NPRL3: variants seen among roughly 807,000 people sequenced by gnomAD.
NPRL3 encodes GATOR1 complex protein NPRL3.
In NPRL3, 23 loss-of-function variants were observed where a neutral mutation model predicts 57.2. That is an observed-to-expected ratio of 0.40 (90% CI 0.29 to 0.57). The LOEUF (loss-of-function observed/expected upper bound fraction) is 0.57, where lower values mean the gene tolerates loss of function less well. Ranked by LOEUF, NPRL3 falls within the 20% of genes least tolerant of loss-of-function variation. NPRL3 has a pLI of 0.42. For missense variants in NPRL3, 691 were observed against 767.1 expected, an observed-to-expected ratio of 0.90 and a Z score of 1.17; for synonymous variants, 333 against 321.1, an observed-to-expected ratio of 1.04 and a Z score of -0.39.
At chr16:121,489 T>G (rs1385904991) in intron 3 of NPRL3, among the ~76,000 whole-genome samples, 3 of 151,972 alleles carry the variant, frequency 2.0e-5, no homozygotes, top group Non-Finnish European at 4.4e-5. Context: ...CCGGGCGCAG[T>G]GAAGCCTGTA....
At chr16:111,347 C>T (rs1899802602) in intron 6 of NPRL3, among the ~76,000 whole-genome samples, 1 of 151,952 alleles carries the variant, frequency 6.6e-6, no homozygotes, top group African/African-American at 2.4e-5. Flanking sequence ...TTGCAGTGAG[C>T]AGAGATCACA....
intron 7 of NPRL3, among the ~76,000 whole-genome samples, chr16:107,475 C>T (rs1899585266): frequency 6.6e-6 from 1 of 151,842 alleles, no homozygotes; most frequent in Non-Finnish European, 1.5e-5. Context: ...GAAACCCCAT[C>T]TCTACTAAAA....
chr16:127,443 C>G (rs1201991003), intron 3 of NPRL3, among the ~76,000 whole-genome samples: 1 of 151,926 alleles, frequency 6.6e-6, no homozygotes, highest in Non-Finnish European at 1.5e-5. Flanking sequence ...TCATGCTGTC[C>G]AGACTGTTCT....
chr16:89,576 G>A (rs933735020), intron 12 of NPRL3, 137 bp downstream of exon 12: 2 of 780,562 alleles, frequency 2.6e-6, no homozygotes, highest in African/African-American at 1.8e-5. Context: ...CTCCACGGGG[G>A]ACACGAGGCA....
chr16:100,970 CAAAAAAA>C (rs59640237), intron 7 of NPRL3, among the ~76,000 whole-genome samples: 4 of 36,118 alleles, frequency 1.1e-4, no homozygotes, highest in African/African-American at 4.0e-4. Context: ...GACTCTGTCT[CAAAAAAA>C]AAAAAAAAAA....
intron 7 of NPRL3, among the ~76,000 whole-genome samples, chr16:107,803 C>T (rs1899603352): frequency 6.6e-6 from 1 of 152,308 alleles, no homozygotes; most frequent in Admixed American, 6.5e-5. Flanking sequence ...GATGGGACTA[C>T]AGGAGCACAC....
At position 100,513 on chromosome 16, in the gene NPRL3, CAG is replaced by C. The variant is rs1337734210; in HGVS notation, c.630-6_630-5del. 4.5e-6 allele frequency: 7 copies of C among 1,562,008 alleles called. No individual in the cohort carries two copies. Among genetic ancestry groups the C allele is most frequent in the South Asian group, 2.4e-5 (2 of 82,164 alleles). ...AACTACGCCCGACGTGCACAGGCTG[CAG>C]AGAGTGGGCGCTGTTACCCGTTCAC... On this transcript the variant is annotated splice_polypyrimidine_tract_variant and splice_region_variant and intron_variant, in intron 7 of 13. Transcript: ENST00000611875.
intron 13 of NPRL3, among the ~76,000 whole-genome samples, chr16:88,002 A>G (rs1451472125): frequency 1.3e-5 from 2 of 152,002 alleles, no homozygotes; most frequent in African/African-American, 4.8e-5. Flanking sequence ...AAGAGTTGCA[A>G]GTGGTTCTCT....
At chr16:87,016 C>T in intron 13 of NPRL3, 146 bp from the exon 14 acceptor site, 1 of 818,966 alleles carries the variant, frequency 1.2e-6, no homozygotes, top group Admixed American at 2.8e-5. Context: ...CCACCACAGC[C>T]CCCCAACAAG....
At chr16:98,936 C>G (rs1899148879) in intron 8 of NPRL3, among the ~76,000 whole-genome samples, 1 of 151,986 alleles carries the variant, frequency 6.6e-6, no homozygotes, top group Non-Finnish European at 1.5e-5. Context: ...GACTCTGTCT[C>G]AAAAACAACA....
At chr16:118,679 T>C (rs564808428) in intron 4 of NPRL3, among the ~76,000 whole-genome samples, 19 of 152,336 alleles carry the variant, frequency 1.2e-4, no homozygotes, top group African/African-American at 4.6e-4. Flanking sequence ...TTTATGAAGA[T>C]GCACAGTTCA....
chr16:120,764 T>G (rs189506801), intron 3 of NPRL3, among the ~76,000 whole-genome samples: 110 of 152,290 alleles, frequency 7.2e-4, no homozygotes, highest in African/African-American at 2.5e-3. Context: ...AGGTCTCTCC[T>G]GCAGAGATGG....
intron 3 of NPRL3, among the ~76,000 whole-genome samples, chr16:122,127 T>C (rs1900309274): frequency 6.7e-6 from 1 of 148,646 alleles, no homozygotes; most frequent in African/African-American, 2.5e-5. Context: ...GATGGAGTCT[T>C]GCTCTGTCGC....
intron 6 of NPRL3, among the ~76,000 whole-genome samples, chr16:111,173 G>GCGGATCACA (rs1899793383): frequency 6.6e-6 from 1 of 152,006 alleles, no homozygotes; most frequent in Non-Finnish European, 1.5e-5. Context: ...GCCGAGGCAG[G>GCGGATCACA]CGGATCACAA....
chr16:100,970 CAA>C (rs59640237), intron 7 of NPRL3, among the ~76,000 whole-genome samples: 25 of 36,118 alleles, frequency 6.9e-4, no homozygotes, highest in South Asian at 1.7e-3. Context: ...GACTCTGTCT[CAA>C]AAAAAAAAAA....
intron 3 of NPRL3, chr16:123,639 C>G (rs1567144673): frequency 2.2e-6 from 1 of 453,632 alleles, no homozygotes; most frequent in South Asian, 1.6e-5. Context: ...AAAAACTGCA[C>G]AAAAGTCTAG....
chr16:112,384 T>C (rs1899854996), intron 6 of NPRL3, among the ~76,000 whole-genome samples: 1 of 152,156 alleles, frequency 6.6e-6, no homozygotes, highest in Non-Finnish European at 1.5e-5. Flanking sequence ...ATCTGCAAAA[T>C]GGGGATGATC....
At chr16:134,181 C>A (rs1400279340) in intron 2 of NPRL3, among the ~76,000 whole-genome samples, 2 of 151,968 alleles carry the variant, frequency 1.3e-5, no homozygotes, top group Non-Finnish European at 2.9e-5. Context: ...CATGAACTTT[C>A]AATTTGTAGA....
At chr16:124,741 C>T (rs1368274733) in intron 3 of NPRL3, among the ~76,000 whole-genome samples, 1 of 152,158 alleles carries the variant, frequency 6.6e-6, no homozygotes, top group East Asian at 1.9e-4. Flanking sequence ...AACATCTGGG[C>T]TTTTGCACTA....
Sources: allele counts gnomAD v4.1 joint callset (sites outside exome capture counted in the v4.1 genomes callset), GRCh38; gene constraint gnomAD v4.1.1; transcripts MANE v1.5; gene names NCBI Gene and HGNC (gene_info 2026-07-23, HGNC 2026-07-21).